HEG1: variants seen among roughly 807,000 people sequenced by gnomAD.
HEG1 encodes protein HEG homolog 1.
A neutral mutation model predicts 125.6 loss-of-function variants in HEG1; 56 were observed. The observed-to-expected ratio is 0.45, with a 90% confidence interval of 0.36 to 0.56. HEG1 has a LOEUF of 0.56. Ranked by LOEUF, HEG1 falls within the 20% of genes least tolerant of loss-of-function variation. The pLI, the probability that HEG1 is intolerant of heterozygous loss-of-function variation, is 0.00. For synonymous variants in HEG1, 644 were observed against 668.5 expected, an observed-to-expected ratio of 0.96 and a Z score of 0.57; for missense variants, 1,523 against 1,670.0, an observed-to-expected ratio of 0.91 and a Z score of 1.53.
intron 1 of HEG1, among the ~76,000 whole-genome samples, chr3:125,045,926 T>A (rs570773554): frequency 1.6e-4 from 24 of 152,348 alleles, no homozygotes; most frequent in Admixed American, 3.9e-4. Flanking sequence ...CAGTTCACTA[T>A]ATCACAACTA....
intron 14 of HEG1, among the ~76,000 whole-genome samples, chr3:124,988,777 T>G (rs1309205563): frequency 6.6e-6 from 1 of 152,100 alleles, no homozygotes; most frequent in Non-Finnish European, 1.5e-5. Flanking sequence ...ATTAGCTAGG[T>G]GTGGTGGTGC....
intron 1 of HEG1, among the ~76,000 whole-genome samples, chr3:125,034,438 AAAGT>A (rs1937534287): frequency 6.6e-6 from 1 of 152,240 alleles, no homozygotes; most frequent in African/African-American, 2.4e-5. Context: ...AGAAATAAAA[AAAGT>A]AATAATTGAA....
chr3:125,031,907 T>A (rs1049054705), intron 1 of HEG1, among the ~76,000 whole-genome samples: 6 of 152,088 alleles, frequency 3.9e-5, no homozygotes, highest in Non-Finnish European at 7.4e-5. Flanking sequence ...ACAAACACAA[T>A]CCACATGTGT....
chr3:125,019,539 A>G lies in HEG1; in HGVS notation c.1311T>C (p.Ser437=), dbSNP rs763051358. The G allele has an allele frequency of 1.2e-6, 2 of 1,612,382 alleles. No homozygotes were observed. Among genetic ancestry groups the G allele is most frequent in the Non-Finnish European group, 1.7e-6 (2 of 1,178,534 alleles). ...SSEVQNGSPM[S]QTETVSRSVA... is the part of the protein sequence containing the mutation. Reference sequence around the variant, plus strand: ...CTGACCTAGACACAGTCTCAGTCTGAGACATGGGACTTCCATTTTGCACCT... The same window carrying G: ...CTGACCTAGACACAGTCTCAGTCTGGGACATGGGACTTCCATTTTGCACCT... The change falls in exon 5 of 17, where the codon TCT becomes TCC. Residue 437 remains serine (S), a synonymous_variant. Coordinates refer to ENST00000311127, the MANE Select transcript of HEG1 (RefSeq NM_020733.2).
chr3:125,046,424 CACACACACACAT>C (rs1260914051), intron 1 of HEG1, among the ~76,000 whole-genome samples: 90 of 134,234 alleles, frequency 6.7e-4, no homozygotes, highest in African/African-American at 2.4e-3. Flanking sequence ...CACACACACA[CACACACACACAT>C]ATATATTTTT....
intron 16 of HEG1, among the ~76,000 whole-genome samples, chr3:124,972,936 G>A (rs1432029713): frequency 6.6e-6 from 1 of 152,102 alleles, no homozygotes; most frequent in Non-Finnish European, 1.5e-5. Flanking sequence ...GCTTGTTGAG[G>A]ACGACATTGA....
Position 125,010,462 on chromosome 3 carries a change from C to G in HEG1, c.3050G>C (p.Trp1017Ser), listed in dbSNP as rs767582249. The G allele has an allele frequency of 6.4e-7, 1 of 1,556,064 alleles. No homozygotes were observed. The highest frequency in any genetic ancestry group is 1.2e-5 in the South Asian group (1 of 84,188). ...ACCCACACTGCAATCATCCCCTTGC[C>G]AGGAAGGCGGGCACCTGCAGTGGTA... ...RGYHCRCPPS[W>S]QGDDCSVDVN... The change falls in exon 7 of 17, where the codon TGG becomes TCG. Residue 1017 changes from tryptophan to serine, a missense_variant. Physicochemically the swap from Trp to Ser is radical, Grantham distance 177 (BLOSUM62 -3). Transcript: ENST00000311127.
chr3:125,049,959 C>T (rs1387880646), intron 1 of HEG1, among the ~76,000 whole-genome samples: 1 of 152,144 alleles, frequency 6.6e-6, no homozygotes, highest in East Asian at 1.9e-4. Context: ...CTCTAAAGCC[C>T]TCCACAATCA....
chr3:125,012,716 C>CA lies in HEG1; in HGVS notation c.2862dup (p.Val955CysfsTer5), dbSNP rs1937173799. 1 of 1,613,872 alleles carries CA rather than the reference C, an allele frequency of 6.2e-7. No homozygotes were observed. On this transcript the variant is annotated frameshift_variant, in exon 6 of 17. Coordinates refer to ENST00000311127, the MANE Select transcript of HEG1 (RefSeq NM_020733.2). LOFTEE classifies it high-confidence loss of function. ...GGAGCCAAGTCTTCAGCCGTGGAAA[C>CA]AACTGTGGTTTGGGGAGAAGGAGAT...
Position 125,020,928 on chromosome 3 carries a change from G to A in HEG1, c.1116C>T (p.Val372=). 1 of 1,613,994 alleles carries A rather than the reference G, an allele frequency of 6.2e-7. No individual in the cohort carries two copies. Among genetic ancestry groups the A allele is most frequent in the East Asian group, 2.2e-5 (1 of 44,872 alleles). Residue 372 remains valine, a synonymous_variant, in exon 4 of 17, where the codon GTC becomes GTT. Coordinates refer to ENST00000311127, the MANE Select transcript of HEG1 (RefSeq NM_020733.2). ...DSRIATTSSS[V]LLSPSAVESR... ...ATTCCACTGCAGAGGGTGAAAGAAG[G>A]ACTGAGGATGAAGTCGTGGCAATTC... is the stretch of plus-strand genomic sequence containing the variant.
chr3:124,998,444 T>A (rs2107694803), intron 11 of HEG1, among the ~76,000 whole-genome samples: 1 of 152,334 alleles, frequency 6.6e-6, no homozygotes, highest in Non-Finnish European at 1.5e-5. Context: ...AGTGTAATTC[T>A]GCTTATCAGG....
chr3:124,994,174 G>A (rs1034652298), intron 12 of HEG1, among the ~76,000 whole-genome samples: 2 of 152,192 alleles, frequency 1.3e-5, no homozygotes, highest in East Asian at 1.9e-4. Context: ...TAAGGACCAC[G>A]TAACCTAGAT....
rs143732390 is a variant in HEG1, at chr3:125,038,291, T to G, written c.317-8803A>C. Reference sequence around the variant, plus strand: ...TCCACGACACCTCTCCTAGGAGGTATAGGGAGAGCTTAGGACGCACAGCGT... The same window carrying G: ...TCCACGACACCTCTCCTAGGAGGTAGAGGGAGAGCTTAGGACGCACAGCGT... On this transcript the variant is annotated intron_variant, in intron 1 of 16. Transcript: ENST00000311127. 2.0e-5 allele frequency among the ~76,000 whole-genome samples: 3 copies of G among 152,292 alleles called. No homozygotes were observed. The East Asian group carries it at 5.8e-4, about 29-fold the overall frequency.
intron 15 of HEG1, among the ~76,000 whole-genome samples, chr3:124,977,657 T>C (rs1368371761): frequency 6.6e-6 from 1 of 152,190 alleles, no homozygotes; most frequent in Non-Finnish European, 1.5e-5. Context: ...ATAAAGAAAA[T>C]GAAGTTCCAT....
intron 14 of HEG1, among the ~76,000 whole-genome samples, chr3:124,989,278 C>T (rs765579900): frequency 1.3e-5 from 2 of 152,090 alleles, no homozygotes; most frequent in African/African-American, 2.4e-5. Flanking sequence ...AAAACCTTTA[C>T]GAACAAAGAA....
intron 1 of HEG1, among the ~76,000 whole-genome samples, chr3:125,036,434 A>C (rs1348010417): frequency 6.6e-6 from 1 of 152,192 alleles, no homozygotes; most frequent in Non-Finnish European, 1.5e-5. Flanking sequence ...GGGAACAGAA[A>C]ATGATGATAA....
At chr3:125,002,090 C>A in intron 10 of HEG1, 78 bp from the exon 11 acceptor site, 2 of 1,540,084 alleles carry the variant, frequency 1.3e-6, no homozygotes, top group Non-Finnish European at 1.8e-6. Context: ...TGAATGTCAT[C>A]GCCATTCACC....
Position 124,997,197 on chromosome 3 carries a change from A to G in HEG1, c.3652+492T>C, listed in dbSNP as rs147531053. Among the ~76,000 whole-genome samples, 577 of 152,234 alleles carry G rather than the reference A, an allele frequency of 3.8e-3. 5 individuals are homozygous for G. Among genetic ancestry groups the G allele is most frequent in the African/African-American group, 0.013 (553 of 41,518 alleles). On this transcript the variant is annotated intron_variant, in intron 12 of 16. Transcript: ENST00000311127. The stretch of plus-strand genomic sequence containing the variant: ...TATCCAATAGAGGATCACCATACCC[A>G]TTTCTCAGGAGAGGAAACCGAGGCT...
chr3:125,014,791 C>T, intron 5 of HEG1: 1 of 1,289,800 alleles, frequency 7.8e-7, no homozygotes, highest in Non-Finnish European at 1.0e-6. Flanking sequence ...AGAGAGGCAC[C>T]CTCTGTTTCT....
Sources: gnomAD v4.1 joint callset for allele counts (sites outside exome capture counted in the v4.1 genomes callset) on GRCh38, gnomAD v4.1.1 for gene constraint, MANE v1.5 for transcripts, NCBI Gene and HGNC (gene_info 2026-07-23, HGNC 2026-07-21) for gene names.